PTP4A1: variants seen among roughly 807,000 people sequenced by gnomAD.
PTP4A1 encodes the protein protein tyrosine phosphatase 4A1, also known as protein tyrosine phosphatase type IVA 1.
A neutral mutation model predicts 20.5 loss-of-function variants in PTP4A1; 9 were observed. The observed-to-expected ratio is 0.44, with a 90% confidence interval of 0.26 to 0.77. The LOEUF is 0.77. PTP4A1 is among the 30% of genes least tolerant of loss of function. The pLI, the probability that PTP4A1 is intolerant of heterozygous loss-of-function variation, is 0.19. For synonymous variants in PTP4A1, 78 were observed against 67.4 expected (o/e 1.16, Z -0.77); for missense variants, 137 against 218.8 (o/e 0.63, Z 2.36).
rs758885805 is a variant in PTP4A1, at chr6:63,578,426, G to A, written c.106-11G>A. On this transcript the variant is annotated splice_polypyrimidine_tract_variant and intron_variant, in intron 2 of 5. Transcript: ENST00000626021. ...AAACATTAAGATTTTTTTAATGTAC[G>A]TTTTATCCAGGAACTTAAGAAGTAT... is the stretch of plus-strand genomic sequence containing the variant. 24 of 1,597,222 alleles carry A rather than the reference G, an allele frequency of 1.5e-5. No homozygotes were observed. Among genetic ancestry groups the A allele is most frequent in the South Asian group, 3.4e-5 (3 of 88,868 alleles).
intron 2 of PTP4A1, among the ~76,000 whole-genome samples, chr6:63,531,472 T>C (rs974979220): frequency 2.6e-5 from 4 of 151,752 alleles, no homozygotes; most frequent in African/African-American, 9.7e-5. Flanking sequence ...GAAGAGATAA[T>C]GTAATATTTG....
At chr6:63,527,945 G>C (rs574438440) in exon 2 of PTP4A1, 2 of 152,312 alleles carry the variant, frequency 1.3e-5, no homozygotes, top group South Asian at 4.1e-4. Flanking sequence ...ATTTCTGTTG[G>C]ATTTAGAAAA....
Position 63,576,761 on chromosome 6 carries a change from A to T in PTP4A1, c.-120A>T. On this transcript the variant is annotated 5_prime_UTR_variant, in exon 2 of 6. Coordinates refer to ENST00000626021, the MANE Select transcript of PTP4A1 (RefSeq NM_003463.5). ...ATCATTACTTACAACTTCATACTCAAAGCACTGAGAATTTCAAGTGGAGTA... is the reference window on the plus strand; with the variant it reads ...ATCATTACTTACAACTTCATACTCATAGCACTGAGAATTTCAAGTGGAGTA... 2.7e-6 allele frequency: 2 copies of T among 749,474 alleles called. No homozygotes were observed. Among genetic ancestry groups the T allele is most frequent in the South Asian group, 3.7e-5 (2 of 53,768 alleles). The allele number at this position is 749,474 out of a possible 1,614,324, so 46.4% of individuals were successfully genotyped here.
intron 1 of PTP4A1, among the ~76,000 whole-genome samples, chr6:63,527,658 T>C (rs773750756): frequency 1.3e-5 from 2 of 152,314 alleles, no homozygotes; most frequent in South Asian, 2.1e-4. Flanking sequence ...TCTGAGAACT[T>C]AAGTAACCAT....
At chr6:63,525,209 G>A (rs533456482) in intron 1 of PTP4A1, among the ~76,000 whole-genome samples, 2 of 152,264 alleles carry the variant, frequency 1.3e-5, no homozygotes, top group South Asian at 4.1e-4. Context: ...AGTTATCCTG[G>A]TGAATTGTGT....
chr6:63,535,397 G>A (rs1009744917), intron 2 of PTP4A1, among the ~76,000 whole-genome samples: 4 of 152,092 alleles, frequency 2.6e-5, no homozygotes, highest in African/African-American at 9.7e-5. Flanking sequence ...TGAACAGGGA[G>A]GCAGAGGTTG....
chr6:63,554,477 C>T (rs1034718315), intron 3 of PTP4A1, among the ~76,000 whole-genome samples: 1 of 152,122 alleles, frequency 6.6e-6, no homozygotes, highest in African/African-American at 2.4e-5. Context: ...TCTCAGCCTT[C>T]CCATAGCACA....
chr6:63,543,277 G>A (rs775864839), intron 2 of PTP4A1, among the ~76,000 whole-genome samples: 75 of 152,298 alleles, frequency 4.9e-4, no homozygotes, highest in Non-Finnish European at 8.8e-4. Context: ...TCATTCAGAC[G>A]TCAACTAAAA....
At chr6:63,578,591 T>C in intron 3 of PTP4A1, 62 bp downstream of exon 3, 1 of 1,541,486 alleles carries the variant, frequency 6.5e-7, no homozygotes, top group Non-Finnish European at 8.7e-7. Flanking sequence ...ATTCAAATAG[T>C]AAATTCAAAT....
At chr6:63,537,196 A>C (rs938501460) in intron 2 of PTP4A1, among the ~76,000 whole-genome samples, 2 of 152,212 alleles carry the variant, frequency 1.3e-5, no homozygotes, top group African/African-American at 4.8e-5. Context: ...TGGGGACAGT[A>C]GAAGTATTTC....
intron 3 of PTP4A1, among the ~76,000 whole-genome samples, chr6:63,560,294 C>T (rs977615514): frequency 1.1e-4 from 16 of 141,958 alleles, no homozygotes; most frequent in South Asian, 4.4e-4. Flanking sequence ...GCTGAGATCA[C>T]GCCATTGCAC....
intron 2 of PTP4A1, among the ~76,000 whole-genome samples, chr6:63,539,508 T>G (rs1197894): frequency 0.015 from 2,265 of 152,292 alleles, 47 homozygotes; most frequent in African/African-American, 0.051. Context: ...CCAGGTGTGT[T>G]GGCTCACTCC....
upstream of PTP4A1, chr6:63,571,259 A>G (rs958946626): frequency 6.6e-6 from 1 of 152,194 alleles, no homozygotes; most frequent in Non-Finnish European, 1.5e-5. Flanking sequence ...ATAAATCCTA[A>G]GATGTTGCAG....
chr6:63,561,545 T>C (rs1776950672), intron 3 of PTP4A1, among the ~76,000 whole-genome samples: 1 of 152,158 alleles, frequency 6.6e-6, no homozygotes, highest in Non-Finnish European at 1.5e-5. Context: ...AATCTTCCTC[T>C]GGGCAGATAA....
At chr6:63,518,412 A>G (rs1272436194), upstream of PTP4A1, among the ~76,000 whole-genome samples, 1 of 152,202 alleles carries the variant, frequency 6.6e-6, no homozygotes, top group Non-Finnish European at 1.5e-5. Context: ...ATTAACTAAA[A>G]AATTATCATT....
intron 2 of PTP4A1, chr6:63,548,914 A>G (rs1581926994): frequency 1.7e-5 from 15 of 889,964 alleles, no homozygotes; most frequent in South Asian, 1.3e-4. Flanking sequence ...ACAGTGGTGC[A>G]GGTCTTCCTG....
At chr6:63,538,709 A>G (rs1775825369) in intron 2 of PTP4A1, among the ~76,000 whole-genome samples, 1 of 152,194 alleles carries the variant, frequency 6.6e-6, no homozygotes, top group Non-Finnish European at 1.5e-5. Flanking sequence ...AGTTCAAAAC[A>G]TTTAGCTGTC....
At chr6:63,575,979 A>G (rs1464041117) in intron 1 of PTP4A1, among the ~76,000 whole-genome samples, 7 of 151,946 alleles carry the variant, frequency 4.6e-5, no homozygotes, top group African/African-American at 1.7e-4. Flanking sequence ...AGTTTGTATT[A>G]ATGTGTAAAA....
chr6:63,549,021 G>A (rs1776321594), intron 2 of PTP4A1: 1 of 727,950 alleles, frequency 1.4e-6, no homozygotes, highest in African/African-American at 1.7e-5. Flanking sequence ...CAGCTCGATG[G>A]GATCCACGTC....
Sources: allele counts gnomAD v4.1 joint callset (sites outside exome capture counted in the v4.1 genomes callset), GRCh38; gene constraint gnomAD v4.1.1; transcripts MANE v1.5; gene names NCBI Gene and HGNC (gene_info 2026-07-23, HGNC 2026-07-21).